MAGI2: variants seen among roughly 807,000 people sequenced by gnomAD.
MAGI2 encodes the protein membrane associated guanylate kinase, WW and PDZ domain containing 2.
In MAGI2, 35 loss-of-function variants were observed where a neutral mutation model predicts 133.3. The ratio of observed to expected loss-of-function variants is 0.26; its 90% confidence interval spans 0.20 to 0.35. The LOEUF is 0.35. Ranked by LOEUF, MAGI2 falls within the 10% of genes least tolerant of loss-of-function variation. MAGI2 has a pLI of 1.00. For missense variants in MAGI2, 1,636 were observed against 1,863.4 expected (o/e 0.88, Z 2.25); for synonymous variants, 729 against 710.6 (o/e 1.03, Z -0.41).
Position 79,364,739 on chromosome 7 carries a change from C to A in MAGI2, c.301+88281G>T, listed in dbSNP as rs1842587558. Among the ~76,000 whole-genome samples, 4 of 152,020 alleles carry A rather than the reference C, an allele frequency of 2.6e-5. No homozygotes were observed. The South Asian group carries it at 8.3e-4, about 32-fold the overall frequency. The stretch of plus-strand genomic sequence containing the variant: ...AGTGCTGAAGGATCTGGCAAAAAAA[C>A]TGATGTGAACTTTATACTTTTTATA... On this transcript the variant is annotated intron_variant, in intron 1 of 21. Transcript: ENST00000354212.
At chr7:78,083,707 C>G (rs911310284) in intron 20 of MAGI2, among the ~76,000 whole-genome samples, 2 of 152,228 alleles carry the variant, frequency 1.3e-5, no homozygotes, top group Non-Finnish European at 2.9e-5. Flanking sequence ...CATTCCTACT[C>G]ACACATTTCT....
At chr7:78,304,768 T>C (rs890626218) in intron 9 of MAGI2, among the ~76,000 whole-genome samples, 3 of 152,134 alleles carry the variant, frequency 2.0e-5, no homozygotes, top group African/African-American at 7.2e-5. Flanking sequence ...GGTTGCTACT[T>C]TAATAATGAA....
At chr7:78,608,121 T>A (rs1375348109) in intron 3 of MAGI2, among the ~76,000 whole-genome samples, 3 of 152,170 alleles carry the variant, frequency 2.0e-5, no homozygotes, top group Non-Finnish European at 2.9e-5. Context: ...TTAGGCTCAA[T>A]GTAGATTCCA....
intron 1 of MAGI2, among the ~76,000 whole-genome samples, chr7:79,385,774 A>T (rs1195018020): frequency 6.6e-6 from 1 of 151,946 alleles, no homozygotes; most frequent in Non-Finnish European, 1.5e-5. Flanking sequence ...AACATATGAC[A>T]TGAGGACTAA....
chr7:79,252,338 G>C (rs1389737126), intron 1 of MAGI2, among the ~76,000 whole-genome samples: 1 of 150,346 alleles, frequency 6.7e-6, no homozygotes, highest in Non-Finnish European at 1.5e-5. Flanking sequence ...AACAAACAAA[G>C]AAAACAAACA....
intron 1 of MAGI2, among the ~76,000 whole-genome samples, chr7:79,336,393 A>G (rs1239654391): frequency 6.6e-6 from 1 of 152,100 alleles, no homozygotes; most frequent in East Asian, 1.9e-4. Flanking sequence ...GTTACTTATA[A>G]AAATAAAACT....
intron 10 of MAGI2, among the ~76,000 whole-genome samples, chr7:78,246,268 C>T (rs1472650351): frequency 6.6e-6 from 1 of 152,124 alleles, no homozygotes; most frequent in Non-Finnish European, 1.5e-5. Context: ...GAGTCATGTC[C>T]CACCAGTGCC....
intron 9 of MAGI2, among the ~76,000 whole-genome samples, chr7:78,263,541 G>T (rs113886195): frequency 1.3e-5 from 2 of 152,168 alleles, no homozygotes; most frequent in African/African-American, 4.8e-5. Flanking sequence ...GTGGGGTAAT[G>T]GGGTTCTAAA....
At chr7:79,245,689 C>T (rs1832768759) in intron 1 of MAGI2, among the ~76,000 whole-genome samples, 1 of 152,142 alleles carries the variant, frequency 6.6e-6, no homozygotes, top group South Asian at 2.1e-4. Flanking sequence ...CTGGACCCAC[C>T]TGGGATCAGG....
At chr7:78,412,219 G>A (rs1343543317) in intron 6 of MAGI2, among the ~76,000 whole-genome samples, 1 of 152,118 alleles carries the variant, frequency 6.6e-6, no homozygotes, top group African/African-American at 2.4e-5. Context: ...CTCTAAGAAG[G>A]GTTATGAGTT....
At chr7:78,167,309 C>T (rs576736063) in intron 15 of MAGI2, among the ~76,000 whole-genome samples, 19 of 152,244 alleles carry the variant, frequency 1.2e-4, no homozygotes, top group African/African-American at 4.1e-4. Context: ...AATACAAAGG[C>T]TGACTTTGAA....
chr7:78,966,342 C>G (rs1803301923), intron 2 of MAGI2, among the ~76,000 whole-genome samples: 1 of 152,060 alleles, frequency 6.6e-6, no homozygotes, highest in Non-Finnish European at 1.5e-5. Context: ...CCATTTCCCT[C>G]TCCCTCTACT....
At chr7:79,022,695 A>T (rs1809467226) in intron 1 of MAGI2, among the ~76,000 whole-genome samples, 1 of 151,752 alleles carries the variant, frequency 6.6e-6, no homozygotes, top group African/African-American at 2.4e-5. Flanking sequence ...GGACATTACA[A>T]CTGGCCACAC....
In MAGI2 at chr7:78,403,521, T is replaced by G. The variant is rs1010673157; in HGVS notation, c.1046-34308A>C. The stretch of plus-strand genomic sequence containing the variant: ...ATCCTTTGGGTATATACCCAGTAAT[T>G]GGATGGCTGGGTCAAATGGTATTTC... On this transcript the variant is annotated intron_variant, in intron 6 of 21. Transcript: ENST00000354212. Among the ~76,000 whole-genome samples the G allele has an allele frequency of 9.2e-5, 14 of 152,282 alleles. No homozygotes were observed. In the East Asian group the frequency reaches 2.3e-3, roughly 25 times the overall value.
intron 2 of MAGI2, among the ~76,000 whole-genome samples, chr7:78,846,478 CA>C (rs1247125667): frequency 6.6e-6 from 1 of 151,916 alleles, no homozygotes; most frequent in East Asian, 1.9e-4. Flanking sequence ...CCCAATTTAT[CA>C]GCTTTTAATT....
intron 9 of MAGI2, among the ~76,000 whole-genome samples, chr7:78,300,696 G>A (rs895572541): frequency 6.6e-6 from 1 of 152,198 alleles, no homozygotes; most frequent in South Asian, 2.1e-4. Context: ...GTCAAGGAAA[G>A]AACTGATTCC....
chr7:78,124,340 C>T (rs929922839), intron 20 of MAGI2, among the ~76,000 whole-genome samples: 6 of 152,196 alleles, frequency 3.9e-5, no homozygotes, highest in African/African-American at 1.4e-4. Flanking sequence ...TGCTAGATCA[C>T]GGGGAGGGCT....
rs537107644 is a variant in MAGI2 at position 78,696,836 on chromosome 7, C to T, written c.419-69597G>A. The stretch of plus-strand genomic sequence containing the variant: ...TTCATTCTTCTTTGAGATTTATTTT[C>T]ATCTAGTGATCGAACTAGAGAGGTT... On this transcript the variant is annotated intron_variant, in intron 2 of 21. Coordinates refer to ENST00000354212, the MANE Select transcript of MAGI2 (RefSeq NM_012301.4). Among the ~76,000 whole-genome samples the T allele has an allele frequency of 1.5e-4, 23 of 152,262 alleles. No homozygotes were observed. The Middle Eastern group carries it at 0.01, about 68-fold the overall frequency.
At chr7:79,304,658 T>G (rs577003608) in intron 1 of MAGI2, among the ~76,000 whole-genome samples, 12 of 152,256 alleles carry the variant, frequency 7.9e-5, no homozygotes, top group African/African-American at 2.9e-4. Flanking sequence ...ATCCCTAGAT[T>G]TACACTGCCC....
Sources: allele counts gnomAD v4.1 joint callset (sites outside exome capture counted in the v4.1 genomes callset), GRCh38; gene constraint gnomAD v4.1.1; transcripts MANE v1.5; gene names NCBI Gene and HGNC (gene_info 2026-07-23, HGNC 2026-07-21).